LOC114841035: variants seen among roughly 807,000 people sequenced by gnomAD.
At chr11:64,242,364 G>T in the LOC114841035 span, 1 of 1,488,146 alleles carries the variant, frequency 6.7e-7, no homozygotes. Context: ...CAGTCGGTCG[G>T]TCGGGGTCTG....
chr11:64,243,684 C>G, the LOC114841035 span: 1 of 1,185,522 alleles, frequency 8.4e-7, no homozygotes, highest in Non-Finnish European at 1.2e-6. Flanking sequence ...GTAGTGGCCC[C>G]ACTCTGCCCT....
chr11:64,241,444 G>A, the LOC114841035 span, among the ~76,000 whole-genome samples: 73 of 151,980 alleles, frequency 4.8e-4, 1 homozygote, highest in African/African-American at 5.3e-4. Flanking sequence ...CCTGGCTCTT[G>A]AAGGAGGAGC....
At chr11:64,242,357 T>G in the LOC114841035 span, 1 of 1,471,282 alleles carries the variant, frequency 6.8e-7, no homozygotes, top group Non-Finnish European at 9.0e-7. Context: ...CCACGTTCAG[T>G]CGGTCGGTCG....
chr11:64,243,362 C>A, the LOC114841035 span: 1 of 1,602,250 alleles, frequency 6.2e-7, no homozygotes, highest in Non-Finnish European at 8.5e-7. Flanking sequence ...TGGCCACCGC[C>A]CAGGAGGTAA....
At chr11:64,243,847 G>A in the LOC114841035 span, 1 of 1,614,172 alleles carries the variant, frequency 6.2e-7, no homozygotes, top group Non-Finnish European at 8.5e-7. Flanking sequence ...ACAGGGTATG[G>A]AGAGCGGGGA....
the LOC114841035 span, chr11:64,242,205 A>T: frequency 1.8e-6 from 1 of 542,796 alleles, no homozygotes; most frequent in Non-Finnish European, 3.0e-6. Context: ...CCCCCTTCTC[A>T]CTGGACTGGT....
At chr11:64,243,974 C>A in the LOC114841035 span, 1 of 1,614,106 alleles carries the variant, frequency 6.2e-7, no homozygotes, top group East Asian at 2.2e-5. Flanking sequence ...ACAGGTGGTG[C>A]AACCCTGGTG....
chr11:64,244,110 C>T, the LOC114841035 span: 2 of 1,490,856 alleles, frequency 1.3e-6, no homozygotes, highest in East Asian at 2.3e-5. Context: ...CAAAAACAAA[C>T]AAAAAAACAC....
At chr11:64,243,612 C>G in the LOC114841035 span, 1 of 1,376,890 alleles carries the variant, frequency 7.3e-7, no homozygotes, top group Non-Finnish European at 1.0e-6. Context: ...CAATACATGC[C>G]TCCTCCAAGT....
At chr11:64,242,210 A>C in the LOC114841035 span, 2 of 556,568 alleles carry the variant, frequency 3.6e-6, no homozygotes, top group Non-Finnish European at 5.9e-6. Flanking sequence ...TTCTCACTGG[A>C]CTGGTAAGTG....
At chr11:64,242,597 C>T in the LOC114841035 span, 28 of 1,517,126 alleles carry the variant, frequency 1.8e-5, no homozygotes, top group African/African-American at 2.3e-4. Flanking sequence ...GTGGGTGGGG[C>T]TTCCGAGGAC....
chr11:64,241,767 C>T, the LOC114841035 span: 4 of 152,492 alleles, frequency 2.6e-5, no homozygotes, highest in African/African-American at 7.2e-5. Context: ...GTGGAGCGGG[C>T]TCGGCGGCCA....
the LOC114841035 span, chr11:64,244,097 AAAC>A: frequency 6.5e-7 from 1 of 1,528,910 alleles, no homozygotes; most frequent in Non-Finnish European, 9.0e-7. Context: ...AAAAAACAAA[AAAC>A]AAAAACAAAC....
the LOC114841035 span, chr11:64,241,936 G>C: frequency 6.5e-6 from 1 of 154,944 alleles, no homozygotes; most frequent in Non-Finnish European, 1.4e-5. Flanking sequence ...CTCGGGGCCG[G>C]CCCCCTGCAG....
chr11:64,243,090 C>A, the LOC114841035 span: 1 of 960,814 alleles, frequency 1.0e-6, no homozygotes, highest in Admixed American at 1.8e-5. Flanking sequence ...GGACTGACCA[C>A]CAGGGCTGTG....
chr11:64,242,197 C>T, the LOC114841035 span: 1 of 521,602 alleles, frequency 1.9e-6, no homozygotes, highest in Non-Finnish European at 3.2e-6. Flanking sequence ...CGGCCAAGCC[C>T]CCTTCTCACT....
the LOC114841035 span, chr11:64,242,340 C>T: frequency 6.8e-7 from 1 of 1,465,226 alleles, no homozygotes; most frequent in Non-Finnish European, 9.0e-7. Flanking sequence ...ACTCTCCCTG[C>T]CCTCCCCCAC....
At chr11:64,242,162 C>A in the LOC114841035 span, 1 of 475,820 alleles carries the variant, frequency 2.1e-6, no homozygotes, top group Non-Finnish European at 3.7e-6. Flanking sequence ...CTCCCCTGAC[C>A]CCCTCCCCCC....
chr11:64,243,730 A>T, the LOC114841035 span: 1 of 1,454,770 alleles, frequency 6.9e-7, no homozygotes, highest in Non-Finnish European at 9.6e-7. Flanking sequence ...CATCTCCATT[A>T]CCCTTCTCCA....
Sources: allele counts gnomAD v4.1 joint callset (sites outside exome capture counted in the v4.1 genomes callset), GRCh38; gene constraint gnomAD v4.1.1; transcripts MANE v1.5.